Variants in CPED1 observed in about 807,000 individuals in gnomAD.
The protein encoded by CPED1 is cadherin like and PC-esterase domain containing 1, also known as cadherin-like and PC-esterase domain-containing protein 1.
Under a neutral mutation model 128.2 loss-of-function variants are expected in CPED1, and 114 were observed. That is an observed-to-expected ratio of 0.89 (90% CI 0.76 to 1.04). The LOEUF is 1.04. Ranked by LOEUF, CPED1 falls within the 50% of genes least tolerant of loss-of-function variation. CPED1 has a pLI of 0.00. For synonymous variants in CPED1, 462 were observed against 426.7 expected (o/e 1.08, Z -1.02); for missense variants, 1,211 against 1,207.1 (o/e 1.00, Z -0.05).
At chr7:121,162,516 A>T (rs919199279) in intron 16 of CPED1, among the ~76,000 whole-genome samples, 1 of 152,218 alleles carries the variant, frequency 6.6e-6, no homozygotes, top group Non-Finnish European at 1.5e-5. Context: ...GGGAGGAAGG[A>T]TGGTAATTGA....
chr7:121,228,077 G>C (rs1425116436), intron 16 of CPED1, among the ~76,000 whole-genome samples: 4 of 151,998 alleles, frequency 2.6e-5, no homozygotes, highest in Non-Finnish European at 5.9e-5. Flanking sequence ...AAGGTCTCCT[G>C]GACATTGGTT....
intron 3 of CPED1, among the ~76,000 whole-genome samples, chr7:121,045,164 T>C (rs1189727450): frequency 6.6e-6 from 1 of 152,120 alleles, no homozygotes; most frequent in Admixed American, 6.5e-5. Context: ...AAAGTGAGAG[T>C]GTATGGAGCA....
intron 5 of CPED1, among the ~76,000 whole-genome samples, chr7:121,087,030 T>A (rs966011218): frequency 1.7e-4 from 26 of 152,210 alleles, no homozygotes; most frequent in African/African-American, 6.3e-4. Flanking sequence ...AATGACCCCT[T>A]AGAGAGAAAG....
intron 18 of CPED1, among the ~76,000 whole-genome samples, chr7:121,264,032 G>A (rs922392608): frequency 7.1e-4 from 108 of 151,982 alleles, no homozygotes; most frequent in African/African-American, 2.5e-3. Context: ...TATGTGTGGG[G>A]CCTACTTAAT....
intron 18 of CPED1, among the ~76,000 whole-genome samples, chr7:121,258,213 A>G (rs1270232813): frequency 6.6e-6 from 1 of 152,120 alleles, no homozygotes; most frequent in Non-Finnish European, 1.5e-5. Flanking sequence ...TAACTTCTGA[A>G]TACTTTTTAC....
In CPED1 at chr7:121,266,246, C is replaced by G; in HGVS notation, c.2330C>G (p.Ser777Ter). The change falls in exon 19 of 23, where the codon TCA becomes TGA. Residue 777 changes from serine (S) to a stop codon, truncating the protein, a stop_gained. Coordinates refer to ENST00000310396, the MANE Select transcript of CPED1 (RefSeq NM_024913.5). LOFTEE classifies it high-confidence loss of function. ...TTATAGATTCTGTTCATTGGAGATT[C>G]AACCAACAGAGGGATCATGTACTAT... The part of the protein sequence containing the change: ...GGRKILFIGD[S>*]TNRGIMYYLI... 1 of 1,612,380 alleles carries G rather than the reference C, an allele frequency of 6.2e-7. No individual in the cohort carries two copies. The highest frequency in any genetic ancestry group is 2.2e-5 in the East Asian group (1 of 44,804).
chr7:121,203,765 G>C (rs1797456482), intron 16 of CPED1, among the ~76,000 whole-genome samples: 1 of 152,134 alleles, frequency 6.6e-6, no homozygotes, highest in South Asian at 2.1e-4. Flanking sequence ...GAGGGAAAAG[G>C]TAATTGTATT....
At chr7:121,158,717 T>C (rs1201326583) in intron 16 of CPED1, among the ~76,000 whole-genome samples, 1 of 152,150 alleles carries the variant, frequency 6.6e-6, no homozygotes, top group Non-Finnish European at 1.5e-5. Context: ...ATTAACCATC[T>C]AGCCCTTAAA....
chr7:121,064,721 C>G (rs972354682), intron 5 of CPED1, among the ~76,000 whole-genome samples: 1 of 151,992 alleles, frequency 6.6e-6, no homozygotes, highest in African/African-American at 2.4e-5. Flanking sequence ...TTCTGGAATC[C>G]TCTCAATTTG....
At chr7:121,209,979 G>A (rs1432506485) in intron 16 of CPED1, among the ~76,000 whole-genome samples, 1 of 151,858 alleles carries the variant, frequency 6.6e-6, no homozygotes, top group Admixed American at 6.6e-5. Context: ...TGATAATCCA[G>A]TTTTTCAAAA....
chr7:121,195,307 A>G (rs1463381420), intron 16 of CPED1, among the ~76,000 whole-genome samples: 1 of 152,086 alleles, frequency 6.6e-6, no homozygotes. Flanking sequence ...TAGTTTTAAA[A>G]TATTTTTGCT....
At chr7:121,164,237 A>G (rs2116444593) in intron 16 of CPED1, among the ~76,000 whole-genome samples, 1 of 152,298 alleles carries the variant, frequency 6.6e-6, no homozygotes, top group East Asian at 1.9e-4. Context: ...GGAGGATTAT[A>G]TCCACAATTT....
intron 16 of CPED1, among the ~76,000 whole-genome samples, chr7:121,145,780 C>A (rs1796010868): frequency 6.6e-6 from 1 of 151,762 alleles, no homozygotes; most frequent in African/African-American, 2.4e-5. Context: ...CTTTTCCAAG[C>A]TGTTCTTTTT....
intron 3 of CPED1, among the ~76,000 whole-genome samples, chr7:121,034,589 T>C (rs184151106): frequency 6.6e-6 from 1 of 152,120 alleles, no homozygotes. Flanking sequence ...TCAAGTCTTA[T>C]TCAACACACT....
intron 4 of CPED1, among the ~76,000 whole-genome samples, chr7:121,059,837 G>A (rs538206567): frequency 6.6e-6 from 1 of 152,172 alleles, no homozygotes; most frequent in Non-Finnish European, 1.5e-5. Context: ...GCTCGCTCTC[G>A]GCGCCTCCTC....
chr7:121,199,337 T>C (rs1316779736), intron 16 of CPED1, among the ~76,000 whole-genome samples: 2 of 152,034 alleles, frequency 1.3e-5, no homozygotes, highest in African/African-American at 2.4e-5. Context: ...GTCAACAGTG[T>C]TGAAAATATT....
chr7:121,047,700 CTTCTTCTTCTTCTTCTT>C (rs1793244405), intron 4 of CPED1, among the ~76,000 whole-genome samples: 1 of 39,416 alleles, frequency 2.5e-5, no homozygotes, highest in South Asian at 8.5e-4. Flanking sequence ...TCTTCTTCTT[CTTCTTCTTCTTCTTCTT>C]TTTTTTTTTT....
At chr7:121,060,148 G>A (rs1793617700) in intron 4 of CPED1, among the ~76,000 whole-genome samples, 2 of 152,224 alleles carry the variant, frequency 1.3e-5, no homozygotes, top group Non-Finnish European at 2.9e-5. Context: ...GGGTCCCCCA[G>A]CAGTGCCAGC....
chr7:121,016,833 G>T (rs1414400496), intron 3 of CPED1, among the ~76,000 whole-genome samples: 1 of 152,126 alleles, frequency 6.6e-6, no homozygotes, highest in Non-Finnish European at 1.5e-5. Flanking sequence ...TTTATTAAAA[G>T]GGGAGGAGGA....
Sources: gnomAD v4.1 joint callset for allele counts (sites outside exome capture counted in the v4.1 genomes callset) on GRCh38, gnomAD v4.1.1 for gene constraint, MANE v1.5 for transcripts, NCBI Gene and HGNC (gene_info 2026-07-23, HGNC 2026-07-21) for gene names.